The following UNC45B variants were observed in gnomAD, a reference collection of about 807,000 sequenced individuals.
UNC45B encodes unc-45 myosin chaperone B.
A neutral mutation model predicts 98.7 loss-of-function variants in UNC45B; 78 were observed. The ratio of observed to expected loss-of-function variants is 0.79; its 90% confidence interval spans 0.66 to 0.95. UNC45B has a LOEUF of 0.95. Ranked by LOEUF, UNC45B falls within the 40% of genes least tolerant of loss-of-function variation. UNC45B has a pLI of 0.00. For synonymous variants in UNC45B, 462 were observed against 480.4 expected, an observed-to-expected ratio of 0.96 and a Z score of 0.50; for missense variants, 1,225 against 1,184.9, an observed-to-expected ratio of 1.03 and a Z score of -0.50.
rs527930525 is a variant in UNC45B, at chr17:35,176,549, G to A, written c.2026-468G>A. Among the ~76,000 whole-genome samples, 5 of 152,212 alleles carry A rather than the reference G, an allele frequency of 3.3e-5. No homozygotes were observed. The East Asian group carries it at 7.7e-4, about 24-fold the overall frequency. The stretch of plus-strand genomic sequence containing the variant: ...ACAAAAATTAGCTGGGCCTGGTGGC[G>A]TGCACCTGTAATCTCAGCTACTCAG... On this transcript the variant is annotated intron_variant, in intron 15 of 19. Coordinates refer to ENST00000394570, the MANE Select transcript of UNC45B (RefSeq NM_001267052.2).
At chr17:35,169,984 A>G (rs561829024) in intron 11 of UNC45B, 53 bp downstream of exon 11, 1 of 1,612,772 alleles carries the variant, frequency 6.2e-7, no homozygotes, top group Non-Finnish European at 8.5e-7. Context: ...CCTTCCGGGC[A>G]AGAGTCTCTG....
chr17:35,148,905 A>C, intron 2 of UNC45B, 68 bp from the exon 3 acceptor site: 4 of 1,588,326 alleles, frequency 2.5e-6, no homozygotes, highest in South Asian at 1.1e-5. Context: ...CACTGTGGGG[A>C]CACTCTCTGG....
chr17:35,180,651 T>G lies in UNC45B; in HGVS notation c.2348T>G (p.Met783Arg). ...DQLRQAATEC[M>R]CNMVLHKEVQ... ...CTGCGGCAGGCGGCCACCGAGTGCATGTGCAACATGGTGCTCCACAAGGAG... is the reference window on the plus strand; with the variant it reads ...CTGCGGCAGGCGGCCACCGAGTGCAGGTGCAACATGGTGCTCCACAAGGAG... Residue 783 changes from methionine (M) to arginine (R), a missense_variant, in exon 18 of 20, where the codon ATG becomes AGG. Met to Arg is a moderately conservative substitution (Grantham distance 91, BLOSUM62 -1). Coordinates refer to ENST00000394570, the MANE Select transcript of UNC45B (RefSeq NM_001267052.2). 2 of 1,612,644 alleles carry G rather than the reference T, an allele frequency of 1.2e-6. No homozygotes were observed. Among genetic ancestry groups the G allele is most frequent in the Non-Finnish European group, 1.7e-6 (2 of 1,179,516 alleles).
intron 5 of UNC45B, among the ~76,000 whole-genome samples, chr17:35,154,364 A>C (rs544464486): frequency 6.6e-6 from 1 of 151,984 alleles, no homozygotes; most frequent in African/African-American, 2.4e-5. Flanking sequence ...AATATATTTC[A>C]TCCAGCTGGT....
chr17:35,153,910 T>G (rs1047132529), intron 5 of UNC45B, among the ~76,000 whole-genome samples: 6 of 152,132 alleles, frequency 3.9e-5, no homozygotes, highest in African/African-American at 1.4e-4. Context: ...CTGGAGCCTT[T>G]TATTTTAAGG....
intron 9 of UNC45B, among the ~76,000 whole-genome samples, chr17:35,166,466 G>A (rs1376524575): frequency 6.6e-6 from 1 of 152,038 alleles, no homozygotes; most frequent in Non-Finnish European, 1.5e-5. Context: ...CCCATTACCT[G>A]TCATCCAGCT....
Position 35,152,993 on chromosome 17 carries a change from G to A in UNC45B, c.471+11G>A. Reference sequence around the variant, plus strand: ...GATAAGCGGGAAAAGGTGAGTGCTGGCCAGTGCCATCCAGCCAGCAGAAGG... The same window carrying A: ...GATAAGCGGGAAAAGGTGAGTGCTGACCAGTGCCATCCAGCCAGCAGAAGG... On this transcript the variant is annotated intron_variant, in intron 5 of 19. Coordinates refer to ENST00000394570, the MANE Select transcript of UNC45B (RefSeq NM_001267052.2). 1 of 1,572,836 alleles carries A rather than the reference G, an allele frequency of 6.4e-7. No homozygotes were observed. The highest frequency in any genetic ancestry group is 1.1e-5 in the South Asian group (1 of 88,694).
At position 35,175,962 on chromosome 17, in the gene UNC45B, C is replaced by G. The variant is rs377653461; in HGVS notation, c.1959-6C>G. The G allele has an allele frequency of 4.3e-6, 7 of 1,613,674 alleles. No individual in the cohort carries two copies. In the African/African-American group the frequency reaches 8.0e-5, roughly 18 times the overall value. ...TAACTGTTCTCCTTTCTTCTCGGTC[C>G]CACAGGGTATTCCTGGCACTGTGTG... On this transcript the variant is annotated splice_region_variant and splice_polypyrimidine_tract_variant and intron_variant, in intron 14 of 19. Coordinates refer to ENST00000394570, the MANE Select transcript of UNC45B (RefSeq NM_001267052.2).
chr17:35,169,324 G>A lies in UNC45B; in HGVS notation c.1453-513G>A, dbSNP rs866859691. Among the ~76,000 whole-genome samples the A allele has an allele frequency of 5.9e-5, 9 of 152,312 alleles. No homozygotes were observed. The South Asian group carries it at 1.0e-3, about 18-fold the overall frequency. On this transcript the variant is annotated intron_variant, in intron 10 of 19. Transcript: ENST00000394570. ...AAAGTGCTGGGAGGATTACAGGCGT[G>A]AGCCACCGCACCCAGCATCAATTTT...
chr17:35,167,363 A>G (rs982835642), intron 9 of UNC45B, among the ~76,000 whole-genome samples: 4 of 152,322 alleles, frequency 2.6e-5, no homozygotes, highest in East Asian at 1.9e-4. Flanking sequence ...ACTCAGACCT[A>G]TAATACCAGT....
At chr17:35,181,197 T>C (rs1191189526) in intron 18 of UNC45B, among the ~76,000 whole-genome samples, 3 of 152,182 alleles carry the variant, frequency 2.0e-5, no homozygotes, top group East Asian at 1.9e-4. Context: ...ACAGGGTTTA[T>C]AAAAATAAAA....
At chr17:35,176,906 AG>A in intron 15 of UNC45B, 110 bp from the exon 16 acceptor site, 1 of 752,866 alleles carries the variant, frequency 1.3e-6, no homozygotes, top group Non-Finnish European at 2.3e-6. Context: ...ATTATACGGC[AG>A]AATTTTCCTG....
chr17:35,155,854 G>A (rs956039345), intron 7 of UNC45B, among the ~76,000 whole-genome samples: 4 of 152,166 alleles, frequency 2.6e-5, no homozygotes, highest in African/African-American at 9.7e-5. Context: ...ACAGGCATGA[G>A]CCACTACACC....
intron 7 of UNC45B, among the ~76,000 whole-genome samples, chr17:35,158,963 C>T (rs1023205833): frequency 6.6e-6 from 1 of 152,162 alleles, no homozygotes; most frequent in Non-Finnish European, 1.5e-5. Context: ...ATTCAGGCTC[C>T]CAGCATGCCT....
intron 1 of UNC45B, among the ~76,000 whole-genome samples, 159 bp downstream of exon 1, chr17:35,148,069 A>G (rs899777285): frequency 2.0e-5 from 3 of 152,174 alleles, no homozygotes; most frequent in Non-Finnish European, 2.9e-5. Flanking sequence ...AACTTGGGCC[A>G]AGCTCTGAGC....
chr17:35,174,189 G>A (rs997856300), intron 13 of UNC45B, 53 bp from the exon 14 acceptor site: 36 of 1,611,170 alleles, frequency 2.2e-5, no homozygotes, highest in African/African-American at 1.1e-4. Flanking sequence ...TTCCAATACC[G>A]ATTGGCCTGG....
In UNC45B at chr17:35,177,130, G is replaced by A; in HGVS notation, c.2139G>A (p.Arg713=). ...CGGACATTGCTTTTCCTGGGGAGCG[G>A]GTAGGTGCTTGGGTAGATGGGATAG... ...SNPDIAFPGE[R]VYEVVRPLVR... Residue 713 remains arginine (R), a splice_region_variant and synonymous_variant, in exon 16 of 20, where the codon CGG becomes CGA. Transcript: ENST00000394570. 2 of 1,613,972 alleles carry A rather than the reference G, an allele frequency of 1.2e-6. No individual in the cohort carries two copies. The highest frequency in any genetic ancestry group is 1.7e-6 in the Non-Finnish European group (2 of 1,179,908).
chr17:35,172,442 T>C (rs1163229594), intron 13 of UNC45B, among the ~76,000 whole-genome samples: 1 of 152,072 alleles, frequency 6.6e-6, no homozygotes, highest in Non-Finnish European at 1.5e-5. Flanking sequence ...AGAAACAGGG[T>C]TTCACCATAT....
At chr17:35,177,671 T>C in intron 17 of UNC45B, 61 bp downstream of exon 17, 1 of 1,252,584 alleles carries the variant, frequency 8.0e-7, no homozygotes, top group Non-Finnish European at 1.1e-6. Flanking sequence ...TTGTTTGAAA[T>C]TTCACATAAT....
Sources: allele counts gnomAD v4.1 joint callset (sites outside exome capture counted in the v4.1 genomes callset), GRCh38; gene constraint gnomAD v4.1.1; transcripts MANE v1.5; gene names NCBI Gene and HGNC (gene_info 2026-07-23, HGNC 2026-07-21).